SVIL: variants seen among roughly 807,000 people sequenced by gnomAD.
The protein encoded by SVIL is supervillin.
Under a neutral mutation model 240.4 loss-of-function variants are expected in SVIL, and 101 were observed. The observed-to-expected ratio is 0.42, with a 90% CI of 0.36 to 0.50. The LOEUF is 0.50. Ranked by LOEUF, SVIL falls within the 20% of genes least tolerant of loss-of-function variation. The pLI, the probability that SVIL is intolerant of heterozygous loss-of-function variation, is 0.01. For missense variants in SVIL, 2,512 were observed against 2,818.7 expected (o/e 0.89, Z 2.46); for synonymous variants, 999 against 1,100.0 (o/e 0.91, Z 1.82).
At chr10:29,713,278 G>GTGTA (rs1376177763) in intron 1 of SVIL, among the ~76,000 whole-genome samples, 2 of 151,984 alleles carry the variant, frequency 1.3e-5, no homozygotes, top group Non-Finnish European at 2.9e-5. Flanking sequence ...GTGTGTGTGT[G>GTGTA]TGTGTGTGTG....
chr10:29,717,920 GACTT>G (rs1361624344), intron 1 of SVIL, among the ~76,000 whole-genome samples: 6 of 151,982 alleles, frequency 3.9e-5, no homozygotes, highest in Non-Finnish European at 5.9e-5. Context: ...CAAATTTTAA[GACTT>G]ACTATAAAAT....
At chr10:29,642,592 C>A (rs74478922) in intron 3 of SVIL, among the ~76,000 whole-genome samples, 2 of 152,254 alleles carry the variant, frequency 1.3e-5, no homozygotes, top group African/African-American at 4.8e-5. Context: ...TTTCATATTA[C>A]CAGGACCTAG....
chr10:29,500,219 G>A (rs1444605726), intron 17 of SVIL, among the ~76,000 whole-genome samples: 1 of 151,560 alleles, frequency 6.6e-6, no homozygotes, highest in Non-Finnish European at 1.5e-5. Context: ...GGTGGTGGTC[G>A]CGGGCGATAC....
At chr10:29,553,924 G>A (rs959368312) in intron 5 of SVIL, among the ~76,000 whole-genome samples, 1 of 152,152 alleles carries the variant, frequency 6.6e-6, no homozygotes, top group East Asian at 1.9e-4. Flanking sequence ...CCTGTACTGG[G>A]GTAGAACCTT....
chr10:29,591,572 G>A (rs549023630), intron 1 of SVIL, among the ~76,000 whole-genome samples: 6 of 152,272 alleles, frequency 3.9e-5, no homozygotes, highest in Non-Finnish European at 5.9e-5. Context: ...GCTACTGTGC[G>A]AACATTTTAC....
At chr10:29,621,694 C>T (rs1470388319) in intron 1 of SVIL, among the ~76,000 whole-genome samples, 3 of 152,208 alleles carry the variant, frequency 2.0e-5, no homozygotes, top group Non-Finnish European at 4.4e-5. Context: ...GGTCCACGAC[C>T]TGGGGGTCTG....
At position 29,654,946 on chromosome 10, in the gene SVIL, T is replaced by C. The variant is rs78636991; in HGVS notation, c.-201+3023A>G. 4.8e-3 allele frequency among the ~76,000 whole-genome samples: 736 copies of C among 152,164 alleles called. 9 individuals are homozygous for C. The highest frequency in any genetic ancestry group is 0.016 in the African/African-American group (650 of 41,522). On this transcript the variant is annotated intron_variant, in intron 3 of 35. Coordinates refer to the SVIL transcript ENST00000375400. ...TTTTTCTATCCAGGCCCGGAGTCAA[T>C]TGGACAGTGATCACCCACATGGAGG...
intron 1 of SVIL, among the ~76,000 whole-genome samples, chr10:29,577,334 T>C (rs1301819406): frequency 6.6e-6 from 1 of 152,140 alleles, no homozygotes; most frequent in Non-Finnish European, 1.5e-5. Flanking sequence ...CTCACTCCTC[T>C]CCCAACCTTC....
At chr10:29,561,152 A>G (rs11007653) in intron 3 of SVIL, among the ~76,000 whole-genome samples, 82,509 of 152,028 alleles carry the variant, frequency 0.54, 23,137 homozygotes, top group African/African-American at 0.7. Context: ...CATGTTTTAA[A>G]GATTTAGGGA....
chr10:29,538,000 T>G (rs1292505223), intron 6 of SVIL, among the ~76,000 whole-genome samples: 1 of 152,224 alleles, frequency 6.6e-6, no homozygotes, highest in Non-Finnish European at 1.5e-5. Flanking sequence ...TGGGAAGAGT[T>G]TGGCGCATCG....
intron 6 of SVIL, among the ~76,000 whole-genome samples, chr10:29,543,871 T>A (rs1952390329): frequency 1.3e-5 from 2 of 152,138 alleles, no homozygotes; most frequent in Admixed American, 1.3e-4. Flanking sequence ...AGGGCAGAGG[T>A]CACCTACAAG....
Position 29,488,663 on chromosome 10 carries a change from G to T in SVIL, c.4286C>A (p.Thr1429Lys). 2 of 1,612,864 alleles carry T rather than the reference G, an allele frequency of 1.2e-6. No individual in the cohort carries two copies. Among genetic ancestry groups the T allele is most frequent in the Non-Finnish European group, 1.7e-6 (2 of 1,179,532 alleles). ...SNVSLRSVNL[T>K]EQNSNNSAVP... Reference sequence around the variant, plus strand: ...GGCGCTGTTGTTAGAGTTCTGTTCCGTCAGGTTGACGCTCCGCAGGCTGAC... The same window carrying T: ...GGCGCTGTTGTTAGAGTTCTGTTCCTTCAGGTTGACGCTCCGCAGGCTGAC... Residue 1429 changes from threonine to lysine, a missense_variant, in exon 23 of 38, where the codon ACG becomes AAG. Coordinates refer to ENST00000355867, the MANE Select transcript of SVIL (RefSeq NM_021738.3).
intron 1 of SVIL, among the ~76,000 whole-genome samples, chr10:29,602,676 T>C (rs1370981683): frequency 1.3e-5 from 2 of 152,104 alleles, no homozygotes; most frequent in African/African-American, 4.8e-5. Context: ...GAAGACTAAA[T>C]ATAATTTTTT....
intron 29 of SVIL, 43 bp downstream of exon 29, chr10:29,480,494 G>A (rs202113009): frequency 1.9e-4 from 299 of 1,602,036 alleles, no homozygotes; most frequent in Admixed American, 2.3e-4. Flanking sequence ...GGGCTGCCGG[G>A]CCAGCCTCTT....
chr10:29,522,315 T>C, intron 16 of SVIL, 95 bp downstream of exon 16: 10 of 1,183,126 alleles, frequency 8.5e-6, no homozygotes, highest in Non-Finnish European at 1.2e-5. Context: ...GAATGTATGA[T>C]TTCATCTCTT....
intron 1 of SVIL, among the ~76,000 whole-genome samples, chr10:29,622,439 A>G (rs894422679): frequency 6.6e-6 from 1 of 152,008 alleles, no homozygotes; most frequent in African/African-American, 2.4e-5. Context: ...AGTTGCAGAC[A>G]TTTGGGAGGA....
At chr10:29,616,413 G>A (rs1957428158) in intron 1 of SVIL, among the ~76,000 whole-genome samples, 1 of 152,162 alleles carries the variant, frequency 6.6e-6, no homozygotes, top group South Asian at 2.1e-4. Context: ...ATACATGCAA[G>A]TTAGTCCAAA....
chr10:29,503,542 C>G (rs771362755), intron 17 of SVIL, among the ~76,000 whole-genome samples: 1 of 152,108 alleles, frequency 6.6e-6, no homozygotes, highest in Non-Finnish European at 1.5e-5. Flanking sequence ...AGTGACTTGA[C>G]CTCTGAAAAC....
rs1051753527 is a variant in SVIL, at chr10:29,457,492, A to C, written c.*755T>G. 1 of 152,660 alleles carries C rather than the reference A, an allele frequency of 6.6e-6. No individual in the cohort carries two copies. The highest frequency in any genetic ancestry group is 6.5e-5 in the Admixed American group (1 of 15,294). The allele number at this position is 152,660 out of a possible 1,614,324, so 9.5% of individuals were successfully genotyped here. ...AGAGTAAAATTGTAGATAATGTTCC[A>C]AACCATCATCAAAAATGCAGAGCAA... On this transcript the variant is annotated 3_prime_UTR_variant, in exon 38 of 38. Coordinates refer to ENST00000355867, the MANE Select transcript of SVIL (RefSeq NM_021738.3).
Sources: gnomAD v4.1 joint callset for allele counts (sites outside exome capture counted in the v4.1 genomes callset) on GRCh38, gnomAD v4.1.1 for gene constraint, MANE v1.5 for transcripts, NCBI Gene and HGNC (gene_info 2026-07-23, HGNC 2026-07-21) for gene names.